The following PRKCA variants were observed in gnomAD, a reference collection of about 807,000 sequenced individuals.
The protein encoded by PRKCA is protein kinase C alpha type.
A neutral mutation model predicts 87.0 loss-of-function variants in PRKCA; 27 were observed. That is an observed-to-expected ratio of 0.31 (90% CI 0.23 to 0.43). The LOEUF is 0.43. Ranked by LOEUF, PRKCA falls within the 20% of genes least tolerant of loss-of-function variation. The pLI is 1.00. For synonymous variants in PRKCA, 329 were observed against 311.1 expected, an observed-to-expected ratio of 1.06 and a Z score of -0.61; for missense variants, 518 against 852.3, an observed-to-expected ratio of 0.61 and a Z score of 4.88.
chr17:66,413,952 G>A (rs1383811288), intron 2 of PRKCA, among the ~76,000 whole-genome samples: 1 of 150,876 alleles, frequency 6.6e-6, no homozygotes, highest in Non-Finnish European at 1.5e-5. Context: ...GGCAGAGGTT[G>A]CAGTGAGCCA....
At chr17:66,333,323 G>GGGATTT (rs1906464772) in intron 2 of PRKCA, among the ~76,000 whole-genome samples, 2 of 152,128 alleles carry the variant, frequency 1.3e-5, no homozygotes, top group Admixed American at 6.5e-5. Context: ...TCTAAATGGT[G>GGGATTT]CAAATTTTAT....
intron 2 of PRKCA, among the ~76,000 whole-genome samples, chr17:66,348,143 T>C (rs1032410578): frequency 1.3e-5 from 2 of 151,944 alleles, no homozygotes; most frequent in Non-Finnish European, 2.9e-5. Flanking sequence ...GGTTTCACCA[T>C]GTTTGCCAGG....
chr17:66,344,065 G>GA (rs1907209640), intron 2 of PRKCA, among the ~76,000 whole-genome samples: 1 of 152,094 alleles, frequency 6.6e-6, no homozygotes, highest in African/African-American at 2.4e-5. Context: ...CTTGGCTCAA[G>GA]AAAAATTAAG....
chr17:66,567,083 A>G (rs1374642653), intron 3 of PRKCA, among the ~76,000 whole-genome samples: 1 of 152,236 alleles, frequency 6.6e-6, no homozygotes, highest in Non-Finnish European at 1.5e-5. Context: ...TAATTTTAAA[A>G]TATGGAAAAG....
chr17:66,685,279 A>G (rs1252719621), intron 5 of PRKCA, among the ~76,000 whole-genome samples: 1 of 152,140 alleles, frequency 6.6e-6, no homozygotes, highest in Non-Finnish European at 1.5e-5. Context: ...ATTTTTCTAG[A>G]TGAAGAGACA....
At chr17:66,438,006 G>T (rs1419915058) in intron 2 of PRKCA, among the ~76,000 whole-genome samples, 1 of 151,558 alleles carries the variant, frequency 6.6e-6, no homozygotes, top group African/African-American at 2.4e-5. Flanking sequence ...TATACAGTCT[G>T]GTGGGGTTTG....
intron 10 of PRKCA, among the ~76,000 whole-genome samples, chr17:66,736,120 G>A (rs979278094): frequency 2.0e-5 from 3 of 151,428 alleles, no homozygotes; most frequent in South Asian, 2.1e-4. Flanking sequence ...GAGCTCAAAC[G>A]ATCCCCCTAC....
At position 66,788,214 on chromosome 17, in the gene PRKCA, G is replaced by A. The variant is rs371058591; in HGVS notation, c.1714-625G>A. On this transcript the variant is annotated intron_variant, in intron 15 of 16. Coordinates refer to ENST00000413366, the MANE Select transcript of PRKCA (RefSeq NM_002737.3). ...TGATCATTTGTGAGGCATTTGTCAC[G>A]TGTCATCCAAGAGCAAGGCACTTGG... Among the ~76,000 whole-genome samples the A allele has an allele frequency of 5.9e-5, 9 of 152,156 alleles. No homozygotes were observed. In the East Asian group the frequency reaches 1.3e-3, roughly 23 times the overall value.
intron 13 of PRKCA, among the ~76,000 whole-genome samples, chr17:66,771,823 T>C (rs1210240454): frequency 6.6e-6 from 1 of 152,110 alleles, no homozygotes; most frequent in Non-Finnish European, 1.5e-5. Flanking sequence ...CTCCATCTCT[T>C]GACCCTCATG....
intron 5 of PRKCA, among the ~76,000 whole-genome samples, chr17:66,679,901 G>A (rs934095170): frequency 7.2e-5 from 11 of 152,204 alleles, no homozygotes; most frequent in Non-Finnish European, 1.6e-4. Flanking sequence ...CTGCCTGAAG[G>A]CCCTATCTGC....
intron 2 of PRKCA, among the ~76,000 whole-genome samples, chr17:66,442,699 G>A (rs1282726115): frequency 2.6e-5 from 4 of 152,106 alleles, no homozygotes; most frequent in Non-Finnish European, 5.9e-5. Flanking sequence ...TCTCCCATTA[G>A]ACTGCAAGCT....
chr17:66,316,223 C>G (rs1189188817), intron 2 of PRKCA, among the ~76,000 whole-genome samples: 2 of 152,126 alleles, frequency 1.3e-5, no homozygotes. Context: ...AATGGAAGAA[C>G]AGATAGGAAA....
intron 5 of PRKCA, among the ~76,000 whole-genome samples, chr17:66,678,580 C>A (rs1972398456): frequency 6.6e-6 from 1 of 151,952 alleles, no homozygotes; most frequent in Admixed American, 6.6e-5. Flanking sequence ...AACAGGCATT[C>A]ATCTGGCAGG....
intron 13 of PRKCA, among the ~76,000 whole-genome samples, chr17:66,761,582 G>T (rs578237280): frequency 6.6e-6 from 1 of 151,540 alleles, no homozygotes; most frequent in African/African-American, 2.4e-5. Flanking sequence ...CCAGCCTCCC[G>T]AGCAGCTGGG....
Position 66,343,111 on chromosome 17 carries a change from T to C in PRKCA, c.205+36984T>C, listed in dbSNP as rs577104974. Among the ~76,000 whole-genome samples the C allele has an allele frequency of 1.2e-4, 18 of 152,286 alleles. No individual in the cohort carries two copies. In the East Asian group the frequency reaches 3.3e-3, roughly 28 times the overall value. Reference sequence around the variant, plus strand: ...TTGAGAACCTGAATAATTTTTTTTTTTGTAGTTTTAATTTCCAAAATTAGG... The same window carrying C: ...TTGAGAACCTGAATAATTTTTTTTTCTGTAGTTTTAATTTCCAAAATTAGG... On this transcript the variant is annotated intron_variant, in intron 2 of 16. Transcript: ENST00000413366.
intron 2 of PRKCA, among the ~76,000 whole-genome samples, chr17:66,319,398 G>A (rs1905517818): frequency 6.6e-6 from 1 of 152,150 alleles, no homozygotes; most frequent in Admixed American, 6.5e-5. Context: ...CTTACCCGTT[G>A]GTGAAGAATT....
At position 66,787,715 on chromosome 17, in the gene PRKCA, C is replaced by T. The variant is rs751360328; in HGVS notation, c.1713+741C>T. On this transcript the variant is annotated intron_variant, in intron 15 of 16. Coordinates refer to ENST00000413366, the MANE Select transcript of PRKCA (RefSeq NM_002737.3). ...CCTGTCCCATCTACAGTCACTACCCCGCCCCAAGATAACCTGCCCCCCAAC... is the reference window on the plus strand; with the variant it reads ...CCTGTCCCATCTACAGTCACTACCCTGCCCCAAGATAACCTGCCCCCCAAC... Among the ~76,000 whole-genome samples, 9 of 152,164 alleles carry T rather than the reference C, an allele frequency of 5.9e-5. No individual in the cohort carries two copies. The South Asian group carries it at 1.2e-3, about 21-fold the overall frequency.
intron 1 of PRKCA, among the ~76,000 whole-genome samples, chr17:66,304,641 C>T (rs2143094996): frequency 6.6e-6 from 1 of 152,270 alleles, no homozygotes; most frequent in South Asian, 2.1e-4. Flanking sequence ...GAAAAACATC[C>T]CAAAGGGCAG....
At chr17:66,559,180 C>T (rs1968603098) in intron 3 of PRKCA, among the ~76,000 whole-genome samples, 1 of 151,956 alleles carries the variant, frequency 6.6e-6, no homozygotes, top group Non-Finnish European at 1.5e-5. Context: ...AAAAGCCCTC[C>T]AAGCCCTCCA....
Sources: allele counts gnomAD v4.1 joint callset (sites outside exome capture counted in the v4.1 genomes callset), GRCh38; gene constraint gnomAD v4.1.1; transcripts MANE v1.5; gene names NCBI Gene and HGNC (gene_info 2026-07-23, HGNC 2026-07-21).